CTNNA2: variants seen among roughly 807,000 people sequenced by gnomAD.
The protein encoded by CTNNA2 is catenin alpha 2.
In CTNNA2, 42 loss-of-function variants were observed where a neutral mutation model predicts 101.0. That is an observed-to-expected ratio of 0.42 (90% CI 0.32 to 0.54). The LOEUF is 0.54. Among genes scored for constraint, CTNNA2 ranks in the 20% least tolerant of loss-of-function variants. The pLI is 0.14. For synonymous variants in CTNNA2, 450 were observed against 456.4 expected (o/e 0.99, Z 0.18); for missense variants, 871 against 1,223.1 (o/e 0.71, Z 4.29).
At chr2:80,010,044 G>T (rs1178341312) in intron 7 of CTNNA2, among the ~76,000 whole-genome samples, 2 of 151,488 alleles carry the variant, frequency 1.3e-5, no homozygotes, top group East Asian at 1.9e-4. Flanking sequence ...AATTAAATGT[G>T]ATTAATGTGA....
chr2:79,376,234 A>G (rs1299459633), intron 4 of CTNNA2, among the ~76,000 whole-genome samples: 1 of 152,110 alleles, frequency 6.6e-6, no homozygotes, highest in Non-Finnish European at 1.5e-5. Flanking sequence ...GAGGCCAAGG[A>G]AAAAAGAGCA....
chr2:80,113,117 A>G (rs2148864457), intron 7 of CTNNA2, among the ~76,000 whole-genome samples: 1 of 152,268 alleles, frequency 6.6e-6, no homozygotes, highest in East Asian at 1.9e-4. Flanking sequence ...AGTGTACCAC[A>G]TTTTACCCAA....
chr2:79,979,726 T>TA (rs889275802), intron 7 of CTNNA2, among the ~76,000 whole-genome samples: 33 of 149,594 alleles, frequency 2.2e-4, no homozygotes, highest in Non-Finnish European at 2.5e-4. Flanking sequence ...AATAAGTATT[T>TA]AAAAAAAAAA....
chr2:79,264,349 T>A (rs2104290741), intron 2 of CTNNA2, among the ~76,000 whole-genome samples: 1 of 152,318 alleles, frequency 6.6e-6, no homozygotes, highest in African/African-American at 2.4e-5. Context: ...ACGCATTTTT[T>A]AATAGAAATT....
At chr2:80,492,041 ATATGGTGTG>A (rs1687104468) in intron 9 of CTNNA2, among the ~76,000 whole-genome samples, 3 of 152,076 alleles carry the variant, frequency 2.0e-5, no homozygotes, top group Non-Finnish European at 4.4e-5. Flanking sequence ...TTAGATGGTG[ATATGGTGTG>A]GATTTGTGTC....
At chr2:79,967,170 A>G (rs1181705317) in intron 7 of CTNNA2, among the ~76,000 whole-genome samples, 1 of 152,006 alleles carries the variant, frequency 6.6e-6, no homozygotes, top group Non-Finnish European at 1.5e-5. Flanking sequence ...TTTCTAGTGC[A>G]ATGTCAAACA....
chr2:80,541,174 A>C (rs1249722722), intron 9 of CTNNA2, among the ~76,000 whole-genome samples: 1 of 152,242 alleles, frequency 6.6e-6, no homozygotes. Context: ...GATAGAGCCC[A>C]TGACCAACTT....
intron 1 of CTNNA2, among the ~76,000 whole-genome samples, chr2:79,614,047 C>T (rs1385939687): frequency 6.6e-6 from 1 of 152,164 alleles, no homozygotes; most frequent in Non-Finnish European, 1.5e-5. Flanking sequence ...GGCTCTGCTG[C>T]TGCTAATCAG....
chr2:80,519,729 A>C (rs1422728565), intron 9 of CTNNA2, among the ~76,000 whole-genome samples: 1 of 152,232 alleles, frequency 6.6e-6, no homozygotes. Context: ...GGACAACTAC[A>C]TGCTAGTATC....
At chr2:80,625,851 A>C (rs1307942051) in intron 18 of CTNNA2, among the ~76,000 whole-genome samples, 2 of 152,072 alleles carry the variant, frequency 1.3e-5, no homozygotes, top group African/African-American at 4.8e-5. Context: ...TTTGGGGCCA[A>C]AAATCAAGTA....
At chr2:79,362,648 G>A (rs17016927) in intron 3 of CTNNA2, among the ~76,000 whole-genome samples, 3,473 of 152,172 alleles carry the variant, frequency 0.023, 114 homozygotes, top group African/African-American at 0.08. Context: ...GCATGACCAC[G>A]CAATGTAAAC....
intron 7 of CTNNA2, chr2:80,304,366 T>A (rs1303919675): frequency 1.3e-5 from 2 of 152,664 alleles, no homozygotes; most frequent in Admixed American, 1.3e-4. Flanking sequence ...CCCGCAAGTT[T>A]CCCAACTACG....
intron 8 of CTNNA2, among the ~76,000 whole-genome samples, chr2:80,402,089 G>C (rs1432994339): frequency 5.9e-5 from 9 of 152,082 alleles, no homozygotes; most frequent in Admixed American, 5.9e-4. Flanking sequence ...CCCTCCCTCA[G>C]GTCCACCTAA....
intron 4 of CTNNA2, among the ~76,000 whole-genome samples, chr2:79,419,845 C>T (rs898953944): frequency 2.0e-5 from 3 of 152,046 alleles, no homozygotes; most frequent in Non-Finnish European, 2.9e-5. Flanking sequence ...AGGACATGAC[C>T]CCACCCTTTG....
intron 18 of CTNNA2, among the ~76,000 whole-genome samples, chr2:80,632,412 A>G (rs764433323): frequency 5.3e-5 from 8 of 152,250 alleles, no homozygotes; most frequent in Non-Finnish European, 1.0e-4. Flanking sequence ...GACAGCTCCT[A>G]TTGTAAGAAT....
At chr2:80,114,876 A>G (rs966090084) in intron 7 of CTNNA2, among the ~76,000 whole-genome samples, 1 of 152,180 alleles carries the variant, frequency 6.6e-6, no homozygotes, top group South Asian at 2.1e-4. Context: ...TCATATCTTC[A>G]TCTTACTCCA....
intron 7 of CTNNA2, among the ~76,000 whole-genome samples, chr2:80,149,774 TCACACACACACACA>T (rs10595115): frequency 1.5e-4 from 21 of 143,392 alleles, no homozygotes; most frequent in East Asian, 4.2e-4. Context: ...TTAGAATGGA[TCACACACACACACA>T]CACACACACA....
chr2:80,262,056 G>A (rs1435280301), intron 7 of CTNNA2, among the ~76,000 whole-genome samples: 1 of 152,040 alleles, frequency 6.6e-6, no homozygotes, highest in Non-Finnish European at 1.5e-5. Context: ...AATAACAATT[G>A]TAAATACATG....
chr2:79,521,342 C>T (rs1055014866), intron 1 of CTNNA2, among the ~76,000 whole-genome samples: 2 of 151,756 alleles, frequency 1.3e-5, no homozygotes, highest in East Asian at 1.9e-4. Context: ...CTTCCTCAGC[C>T]GGTGCTATGA....
Sources: gnomAD v4.1 joint callset for allele counts (sites outside exome capture counted in the v4.1 genomes callset) on GRCh38, gnomAD v4.1.1 for gene constraint, MANE v1.5 for transcripts, NCBI Gene and HGNC (gene_info 2026-07-23, HGNC 2026-07-21) for gene names.